Variants in SDK1 observed in about 807,000 individuals in gnomAD.
SDK1 encodes sidekick cell adhesion molecule 1.
In SDK1, 157 loss-of-function variants were observed where a neutral mutation model predicts 245.5. The ratio of observed to expected loss-of-function variants is 0.64; its 90% CI spans 0.56 to 0.73. The LOEUF (loss-of-function observed/expected upper bound fraction) is 0.73. Among genes scored for constraint, SDK1 ranks in the 30% least tolerant of loss-of-function variants. The pLI is 0.00. For synonymous variants in SDK1, 1,647 were observed against 1,278.5 expected, an observed-to-expected ratio of 1.29 and a Z score of -6.15; for missense variants, 3,583 against 3,002.3, an observed-to-expected ratio of 1.19 and a Z score of -4.52.
intron 1 of SDK1, among the ~76,000 whole-genome samples, chr7:3,329,807 C>T (rs1234375000): frequency 6.6e-6 from 1 of 152,188 alleles, no homozygotes; most frequent in Non-Finnish European, 1.5e-5. Context: ...TTATTTTTGT[C>T]ATTATTCCCT....
intron 5 of SDK1, among the ~76,000 whole-genome samples, chr7:3,936,568 G>C (rs565669973): frequency 5.7e-4 from 84 of 146,476 alleles, no homozygotes; most frequent in African/African-American, 2.2e-3. Context: ...CTGTGTGACA[G>C]AGCAAGACTC....
intron 22 of SDK1, among the ~76,000 whole-genome samples, chr7:4,098,824 CTTTTTTTTTTTTTT>C (rs58678214): frequency 2.1e-4 from 17 of 82,852 alleles, no homozygotes; most frequent in African/African-American, 8.9e-4. Flanking sequence ...CCACAATGCC[CTTTTTTTTTTTTTT>C]TTTTTTTTTT....
chr7:3,427,561 A>G (rs1415508271), intron 1 of SDK1, among the ~76,000 whole-genome samples: 1 of 152,010 alleles, frequency 6.6e-6, no homozygotes, highest in Non-Finnish European at 1.5e-5. Flanking sequence ...TGAGAATTAA[A>G]AACTTATCAG....
chr7:3,668,650 G>C (rs1355269989), intron 4 of SDK1, among the ~76,000 whole-genome samples: 3 of 152,172 alleles, frequency 2.0e-5, no homozygotes, highest in Non-Finnish European at 4.4e-5. Flanking sequence ...AATTAGCCGA[G>C]TGTGGTGGTG....
intron 1 of SDK1, among the ~76,000 whole-genome samples, chr7:3,354,229 A>T (rs1466580473): frequency 6.6e-6 from 1 of 151,662 alleles, no homozygotes; most frequent in Admixed American, 6.6e-5. Flanking sequence ...TGATCTCCTG[A>T]CCTCATGATC....
chr7:3,750,856 C>G (rs184400187), intron 4 of SDK1, among the ~76,000 whole-genome samples: 2 of 152,338 alleles, frequency 1.3e-5, no homozygotes, highest in Admixed American at 6.5e-5. Context: ...ACACCTTTCT[C>G]TTTTGCACTG....
At chr7:3,845,089 A>C (rs1780243930) in intron 5 of SDK1, among the ~76,000 whole-genome samples, 1 of 152,138 alleles carries the variant, frequency 6.6e-6, no homozygotes, top group Admixed American at 6.5e-5. Flanking sequence ...CGGAGAGCGG[A>C]GGTCGCGAGA....
At chr7:3,753,081 A>G (rs188651614) in intron 4 of SDK1, among the ~76,000 whole-genome samples, 1 of 152,278 alleles carries the variant, frequency 6.6e-6, no homozygotes, top group East Asian at 1.9e-4. Flanking sequence ...CTGCCATCAC[A>G]TCACTAAGAT....
chr7:3,607,138 A>C (rs1025335192), intron 1 of SDK1, among the ~76,000 whole-genome samples: 2 of 151,950 alleles, frequency 1.3e-5, no homozygotes, highest in African/African-American at 4.8e-5. Flanking sequence ...CCTGCACTAC[A>C]CAAAGGAAGG....
In SDK1 at chr7:3,389,132, G is replaced by T. The variant is rs73296343; in HGVS notation, c.298+87248G>T. On this transcript the variant is annotated intron_variant, in intron 1 of 44. Coordinates refer to ENST00000404826, the MANE Select transcript of SDK1 (RefSeq NM_152744.4). ...GGAATAAGGGCAGATGTAAAGGAGT[G>T]GGGGGAGAATAGCATTCTAGACAAA... Among the ~76,000 whole-genome samples, 954 of 152,202 alleles carry T rather than the reference G, an allele frequency of 6.3e-3. 10 individuals carry two copies. The highest frequency in any genetic ancestry group is 0.022 in the African/African-American group (907 of 41,524).
At chr7:3,799,074 T>C (rs566369288) in intron 4 of SDK1, among the ~76,000 whole-genome samples, 12 of 152,324 alleles carry the variant, frequency 7.9e-5, no homozygotes, top group African/African-American at 2.9e-4. Context: ...TTATTTGTAA[T>C]TGTATGGATT....
chr7:4,126,302 A>G (rs546853170), intron 25 of SDK1, among the ~76,000 whole-genome samples: 2 of 152,358 alleles, frequency 1.3e-5, no homozygotes, highest in East Asian at 3.9e-4. Context: ...CTAGAATATA[A>G]TACCCTTGTT....
At chr7:3,497,266 A>G (rs1488567384) in intron 1 of SDK1, among the ~76,000 whole-genome samples, 1 of 152,188 alleles carries the variant, frequency 6.6e-6, no homozygotes, top group Non-Finnish European at 1.5e-5. Context: ...AGGCATTCCC[A>G]GGGCTAAAAC....
chr7:3,418,080 C>A (rs1779425389), intron 1 of SDK1, among the ~76,000 whole-genome samples: 1 of 145,054 alleles, frequency 6.9e-6, no homozygotes, highest in South Asian at 2.2e-4. Flanking sequence ...AATTCCTGAT[C>A]ACTTGAGGTC....
At chr7:3,410,917 C>G (rs896782053) in intron 1 of SDK1, among the ~76,000 whole-genome samples, 1 of 152,078 alleles carries the variant, frequency 6.6e-6, no homozygotes, top group Non-Finnish European at 1.5e-5. Flanking sequence ...GCTTGTCTCT[C>G]ACCTGCCTTT....
At chr7:3,479,924 T>A (rs1234398269) in intron 1 of SDK1, among the ~76,000 whole-genome samples, 1 of 152,116 alleles carries the variant, frequency 6.6e-6, no homozygotes, top group African/African-American at 2.4e-5. Flanking sequence ...CCTAGTTCTT[T>A]CAATTTTTTC....
chr7:3,358,429 G>GT lies in SDK1; in HGVS notation c.298+56559dup, dbSNP rs10713399. ...GGAGCAATTAGCTAATCATTACAAC[G>GT]TTTTTTTTTTTTTTCTTGTTTTGTT... On this transcript the variant is annotated intron_variant, in intron 1 of 44. Transcript: ENST00000404826. Among the ~76,000 whole-genome samples, 449 of 145,932 alleles carry GT rather than the reference G, an allele frequency of 3.1e-3. 3 individuals are homozygous for GT. Among genetic ancestry groups the GT allele is most frequent in the East Asian group, 8.1e-3 (40 of 4,940 alleles).
At chr7:3,748,991 C>G (rs975583880) in intron 4 of SDK1, among the ~76,000 whole-genome samples, 1 of 152,128 alleles carries the variant, frequency 6.6e-6, no homozygotes, top group African/African-American at 2.4e-5. Flanking sequence ...ATCAACCAAC[C>G]AACCAACCCA....
intron 4 of SDK1, among the ~76,000 whole-genome samples, chr7:3,673,310 C>T (rs566466814): frequency 4.6e-4 from 70 of 152,208 alleles, no homozygotes; most frequent in African/African-American, 1.6e-3. Context: ...ATTCATTGGA[C>T]GGAAAGATCG....
Sources: gnomAD v4.1 joint callset for allele counts (sites outside exome capture counted in the v4.1 genomes callset) on GRCh38, gnomAD v4.1.1 for gene constraint, MANE v1.5 for transcripts, NCBI Gene and HGNC (gene_info 2026-07-23, HGNC 2026-07-21) for gene names.